GALNT17: variants seen among roughly 807,000 people sequenced by gnomAD.
GALNT17 encodes UDP-GalNAc:polypeptide N-acetylgalactosaminyltransferase-like 3.
A neutral mutation model predicts 63.7 loss-of-function variants in GALNT17; 29 were observed. That is an observed-to-expected ratio of 0.46 (90% CI 0.34 to 0.62). The LOEUF is 0.62. GALNT17 is among the 20% of genes least tolerant of loss of function. The probability of loss-of-function intolerance (pLI) is 0.01; values close to 1 mark genes in which losing one functional copy is unlikely to be tolerated. For synonymous variants in GALNT17, 305 were observed against 318.3 expected (o/e 0.96, Z 0.45); for missense variants, 603 against 799.6 (o/e 0.75, Z 2.97).
intron 2 of GALNT17, among the ~76,000 whole-genome samples, chr7:71,337,546 C>CT (rs2116103183): frequency 6.6e-6 from 1 of 152,222 alleles, no homozygotes; most frequent in Non-Finnish European, 1.5e-5. Context: ...TCAACTTACA[C>CT]TTTTTTGCAT....
intron 1 of GALNT17, among the ~76,000 whole-genome samples, chr7:71,274,052 C>G (rs887726140): frequency 1.3e-5 from 2 of 152,230 alleles, no homozygotes; most frequent in Non-Finnish European, 2.9e-5. Flanking sequence ...GCTGGTAAAC[C>G]AGCCCTCTGG....
intron 1 of GALNT17, among the ~76,000 whole-genome samples, chr7:71,250,648 A>G (rs1362503218): frequency 6.6e-6 from 1 of 152,218 alleles, no homozygotes; most frequent in East Asian, 1.9e-4. Context: ...GTTTTCACGT[A>G]AGAACTCATT....
At chr7:71,536,488 G>A (rs1788803969) in intron 5 of GALNT17, among the ~76,000 whole-genome samples, 1 of 152,172 alleles carries the variant, frequency 6.6e-6, no homozygotes, top group Admixed American at 6.5e-5. Context: ...TATTGGTTGG[G>A]GAGGCCTCAG....
intron 9 of GALNT17, among the ~76,000 whole-genome samples, chr7:71,691,796 G>T (rs971542173): frequency 2.6e-5 from 4 of 152,264 alleles, no homozygotes; most frequent in South Asian, 2.1e-4. Context: ...CTTGCCCAGG[G>T]ATATTAAATT....
rs571783436 is a variant in GALNT17, at chr7:71,403,462, T to C, written c.590-12427T>C. ...CCATTCCAGTCCACATCTGCTCTGA[T>C]GTTATATAGCTCGATAGTCTCCGCT... On this transcript the variant is annotated intron_variant, in intron 3 of 10. Transcript: ENST00000333538. Among the ~76,000 whole-genome samples the C allele has an allele frequency of 6.4e-4, 97 of 152,326 alleles. 3 individuals are homozygous for C. In the South Asian group the frequency reaches 0.017, roughly 26 times the overall value.
chr7:71,703,333 C>G (rs1388801226), intron 9 of GALNT17, among the ~76,000 whole-genome samples: 2 of 152,096 alleles, frequency 1.3e-5, no homozygotes, highest in African/African-American at 4.8e-5. Flanking sequence ...GGAGCTTTTG[C>G]CCATGACGGA....
At chr7:71,530,918 A>G (rs1788710504) in intron 5 of GALNT17, among the ~76,000 whole-genome samples, 1 of 152,144 alleles carries the variant, frequency 6.6e-6, no homozygotes, top group Non-Finnish European at 1.5e-5. Flanking sequence ...GCACACAATG[A>G]TCTAGGTCAG....
chr7:71,318,903 C>G (rs7787338), intron 1 of GALNT17, among the ~76,000 whole-genome samples: 95,070 of 151,848 alleles, frequency 0.63, 30,068 homozygotes, highest in African/African-American at 0.7. Flanking sequence ...AGCGCTCCAG[C>G]GGTCTTAGAC....
At chr7:71,430,973 A>T (rs1786850557) in intron 5 of GALNT17, among the ~76,000 whole-genome samples, 1 of 152,046 alleles carries the variant, frequency 6.6e-6, no homozygotes, top group African/African-American at 2.4e-5. Flanking sequence ...TCCTGTCTTG[A>T]TGGAGTTCAT....
At chr7:71,152,848 G>A (rs1252960455) in intron 1 of GALNT17, among the ~76,000 whole-genome samples, 3 of 151,906 alleles carry the variant, frequency 2.0e-5, no homozygotes, top group Non-Finnish European at 2.9e-5. Flanking sequence ...GGTCAGGCTG[G>A]TCTCGAACTC....
chr7:71,161,935 C>G (rs1210986800), intron 1 of GALNT17, among the ~76,000 whole-genome samples: 2 of 151,414 alleles, frequency 1.3e-5, no homozygotes, highest in Non-Finnish European at 2.9e-5. Flanking sequence ...GTCTTCCCTT[C>G]TCTTCCCCTC....
At chr7:71,161,948 C>T (rs543696063) in intron 1 of GALNT17, among the ~76,000 whole-genome samples, 10 of 151,288 alleles carry the variant, frequency 6.6e-5, no homozygotes, top group African/African-American at 2.4e-4. Context: ...TTCCCCTCCC[C>T]TCCCCTTTTC....
chr7:71,155,680 A>ATT (rs1562870137), intron 1 of GALNT17, among the ~76,000 whole-genome samples: 2 of 151,474 alleles, frequency 1.3e-5, no homozygotes, highest in Non-Finnish European at 2.9e-5. Flanking sequence ...GAGACTACTG[A>ATT]TTTTCTACTT....
intron 5 of GALNT17, among the ~76,000 whole-genome samples, chr7:71,490,127 C>T (rs924280033): frequency 1.3e-5 from 2 of 151,830 alleles, no homozygotes; most frequent in Non-Finnish European, 2.9e-5. Flanking sequence ...GGCGTGGTGG[C>T]GGCACCTGTA....
intron 3 of GALNT17, among the ~76,000 whole-genome samples, chr7:71,415,556 A>C (rs897367436): frequency 9.8e-5 from 15 of 152,290 alleles, no homozygotes; most frequent in Admixed American, 9.8e-4. Context: ...AAACCGGACA[A>C]GGATTCTGGC....
intron 6 of GALNT17, among the ~76,000 whole-genome samples, chr7:71,610,705 A>T (rs1790112576): frequency 1.3e-5 from 2 of 152,090 alleles, no homozygotes; most frequent in African/African-American, 4.8e-5. Flanking sequence ...TTCAATCTCC[A>T]TCAAAAAGGC....
intron 2 of GALNT17, among the ~76,000 whole-genome samples, chr7:71,338,276 A>G (rs1032512083): frequency 6.6e-6 from 1 of 151,990 alleles, no homozygotes; most frequent in Non-Finnish European, 1.5e-5. Context: ...ACAGTGAGCC[A>G]AGATAGTGCC....
chr7:71,184,690 G>T (rs1350516236), intron 1 of GALNT17, among the ~76,000 whole-genome samples: 2 of 152,132 alleles, frequency 1.3e-5, no homozygotes, highest in African/African-American at 4.8e-5. Context: ...CCCTTCTTGG[G>T]TTTACTGTAT....
At chr7:71,182,997 C>T (rs1271352521) in intron 1 of GALNT17, among the ~76,000 whole-genome samples, 1 of 152,188 alleles carries the variant, frequency 6.6e-6, no homozygotes, top group Admixed American at 6.5e-5. Context: ...AGACCGTGTA[C>T]ATTTCATGCC....
Sources: allele counts gnomAD v4.1 joint callset (sites outside exome capture counted in the v4.1 genomes callset), GRCh38; gene constraint gnomAD v4.1.1; transcripts MANE v1.5; gene names NCBI Gene and HGNC (gene_info 2026-07-23, HGNC 2026-07-21).